DGKB: variants seen among roughly 807,000 people sequenced by gnomAD.
DGKB encodes diacylglycerol kinase beta, also known as 90 kDa diacylglycerol kinase.
Under a neutral mutation model 114.3 loss-of-function variants are expected in DGKB, and 67 were observed. That is an observed-to-expected ratio of 0.59 (90% CI 0.48 to 0.72). The LOEUF is 0.72. Ranked by LOEUF, DGKB falls within the 30% of genes least tolerant of loss-of-function variation. The pLI is 0.00. For missense variants in DGKB, 907 were observed against 975.2 expected (o/e 0.93, Z 0.93); for synonymous variants, 398 against 323.1 (o/e 1.23, Z -2.49).
At chr7:14,973,538 CTTT>C (rs1221267709) in intron 1 of DGKB, among the ~76,000 whole-genome samples, 2 of 119,098 alleles carry the variant, frequency 1.7e-5, no homozygotes, top group Admixed American at 8.3e-5. Flanking sequence ...TTTTTTTTTT[CTTT>C]TTTTTTTCTT....
intron 7 of DGKB, among the ~76,000 whole-genome samples, chr7:14,700,414 A>G (rs1273753246): frequency 6.6e-6 from 1 of 151,936 alleles, no homozygotes. Context: ...GGGTTTCACC[A>G]TGTTGGCCAG....
chr7:14,890,279 A>G (rs562178242), intron 1 of DGKB, among the ~76,000 whole-genome samples: 5 of 151,688 alleles, frequency 3.3e-5, no homozygotes, highest in Non-Finnish European at 7.4e-5. Context: ...TATTCCAGGG[A>G]CAATCTCATT....
chr7:14,495,005 G>C (rs1215554965), intron 20 of DGKB, among the ~76,000 whole-genome samples: 1 of 151,718 alleles, frequency 6.6e-6, no homozygotes, highest in Non-Finnish European at 1.5e-5. Flanking sequence ...GGCTAAATTT[G>C]ATAGTATTGT....
intron 20 of DGKB, among the ~76,000 whole-genome samples, chr7:14,515,370 G>T (rs1426258182): frequency 6.6e-6 from 1 of 152,116 alleles, no homozygotes; most frequent in Non-Finnish European, 1.5e-5. Context: ...TCATAATAAG[G>T]AAAAAAGTTG....
At chr7:14,836,046 C>T (rs1182636903) in intron 2 of DGKB, among the ~76,000 whole-genome samples, 1 of 152,202 alleles carries the variant, frequency 6.6e-6, no homozygotes, top group East Asian at 1.9e-4. Context: ...TGGGATTCTA[C>T]TTTTTCAAGT....
At chr7:14,492,357 T>G (rs746604758) in intron 20 of DGKB, among the ~76,000 whole-genome samples, 3 of 151,712 alleles carry the variant, frequency 2.0e-5, no homozygotes, top group Non-Finnish European at 2.9e-5. Flanking sequence ...ATGGCTGGAG[T>G]TGAAAGCCCT....
intron 25 of DGKB, among the ~76,000 whole-genome samples, chr7:14,167,493 TA>T (rs202104949): frequency 8.0e-5 from 12 of 149,150 alleles, no homozygotes; most frequent in South Asian, 2.1e-4. Flanking sequence ...GCCCTGGGAG[TA>T]AAAAAAAAAT....
chr7:14,916,067 G>C (rs969785944), intron 1 of DGKB, among the ~76,000 whole-genome samples: 7 of 151,900 alleles, frequency 4.6e-5, no homozygotes, highest in Admixed American at 4.6e-4. Context: ...AAGCGAAAAA[G>C]AAGATATATG....
intron 7 of DGKB, among the ~76,000 whole-genome samples, chr7:14,699,284 C>T (rs1334907071): frequency 6.6e-6 from 1 of 152,128 alleles, no homozygotes; most frequent in East Asian, 1.9e-4. Context: ...TGCACACATG[C>T]ATTACTAATC....
intron 13 of DGKB, among the ~76,000 whole-genome samples, chr7:14,638,497 T>C (rs1236537609): frequency 6.6e-6 from 1 of 152,140 alleles, no homozygotes; most frequent in South Asian, 2.1e-4. Flanking sequence ...GAGTGATAAA[T>C]GATGGGAATT....
chr7:14,584,164 T>C (rs1473344695), intron 17 of DGKB, among the ~76,000 whole-genome samples: 1 of 152,190 alleles, frequency 6.6e-6, no homozygotes, highest in East Asian at 1.9e-4. Flanking sequence ...GCATATGTCA[T>C]GTGTTGCATT....
chr7:14,614,850 C>A (rs1406960488), intron 15 of DGKB, among the ~76,000 whole-genome samples: 2 of 152,060 alleles, frequency 1.3e-5, no homozygotes, highest in Non-Finnish European at 2.9e-5. Context: ...GTCTCCAATT[C>A]AGCTGGGAGA....
intron 1 of DGKB, among the ~76,000 whole-genome samples, chr7:14,851,116 T>C (rs1849289676): frequency 6.6e-6 from 1 of 152,168 alleles, no homozygotes; most frequent in South Asian, 2.1e-4. Flanking sequence ...ATTGGACATA[T>C]ATACAGTACA....
chr7:14,856,419 G>C (rs967645511), intron 1 of DGKB, among the ~76,000 whole-genome samples: 1 of 151,962 alleles, frequency 6.6e-6, no homozygotes, highest in African/African-American at 2.4e-5. Context: ...TTAAATTCCA[G>C]ATGTTAATAC....
At chr7:14,493,925 T>TACAA (rs201167494) in intron 20 of DGKB, among the ~76,000 whole-genome samples, 2,702 of 137,710 alleles carry the variant, frequency 0.02, 58 homozygotes, top group East Asian at 0.12. Context: ...CATGGTATCA[T>TACAA]ACACACACAC....
At chr7:14,794,349 T>C (rs1453590872) in intron 2 of DGKB, among the ~76,000 whole-genome samples, 1 of 152,142 alleles carries the variant, frequency 6.6e-6, no homozygotes, top group Non-Finnish European at 1.5e-5. Flanking sequence ...AAAATTTTTA[T>C]GGAGATATAG....
intron 1 of DGKB, among the ~76,000 whole-genome samples, chr7:14,945,480 T>A (rs1435027466): frequency 6.6e-6 from 1 of 151,866 alleles, no homozygotes; most frequent in Non-Finnish European, 1.5e-5. Flanking sequence ...ATTAAACATG[T>A]ACTTACAATA....
At chr7:14,663,488 C>T (rs929586412) in intron 13 of DGKB, among the ~76,000 whole-genome samples, 2 of 151,974 alleles carry the variant, frequency 1.3e-5, no homozygotes, top group African/African-American at 4.8e-5. Flanking sequence ...AAACGACTTG[C>T]CCACAGATCA....
chr7:14,247,533 T>C lies in DGKB; in HGVS notation c.2123-69382A>G, dbSNP rs144331152. ...CATTTATCTTTAGTCTTTTTGATCA[T>C]AGCCATTCTAAAAGGTGTGAGGTGA... On this transcript the variant is annotated intron_variant, in intron 23 of 25. Transcript: ENST00000402815. 5.3e-5 allele frequency among the ~76,000 whole-genome samples: 8 copies of C among 152,226 alleles called. No individual in the cohort carries two copies. The East Asian group carries it at 7.7e-4, about 15-fold the overall frequency.
Sources: gnomAD v4.1 joint callset for allele counts (sites outside exome capture counted in the v4.1 genomes callset) on GRCh38, gnomAD v4.1.1 for gene constraint, MANE v1.5 for transcripts, NCBI Gene and HGNC (gene_info 2026-07-23, HGNC 2026-07-21) for gene names.